GPHN: variants seen among roughly 807,000 people sequenced by gnomAD.
The protein encoded by GPHN is gephyrin.
GPHN carries 17 observed loss-of-function variants against 95.5 expected under a neutral mutation model. That is an observed-to-expected ratio of 0.18 (90% CI 0.12 to 0.27). The LOEUF is 0.27. Among genes scored for constraint, GPHN ranks in the 10% least tolerant of loss-of-function variants. The pLI, the probability that GPHN is intolerant of heterozygous loss-of-function variation, is 1.00. For missense variants in GPHN, 660 were observed against 978.1 expected, an observed-to-expected ratio of 0.67 and a Z score of 4.34; for synonymous variants, 320 against 322.5, an observed-to-expected ratio of 0.99 and a Z score of 0.08.
chr14:67,406,169 G>A, the GPHN span, among the ~76,000 whole-genome samples: 2 of 150,088 alleles, frequency 1.3e-5, no homozygotes, highest in Non-Finnish European at 2.9e-5. Context: ...TGAGACACAA[G>A]AATCACTTGA....
At chr14:66,515,691 C>G (rs748173438) in intron 1 of GPHN, among the ~76,000 whole-genome samples, 4 of 152,082 alleles carry the variant, frequency 2.6e-5, no homozygotes, top group Admixed American at 6.6e-5. Flanking sequence ...GTTTCCTTAC[C>G]TTTAAATGGG....
the GPHN span, among the ~76,000 whole-genome samples, chr14:67,305,522 C>T: frequency 6.6e-6 from 1 of 152,202 alleles, no homozygotes; most frequent in African/African-American, 2.4e-5. Context: ...CTCAAGTGGT[C>T]CACCCGCCTC....
intron 1 of GPHN, among the ~76,000 whole-genome samples, chr14:66,561,695 T>C (rs1348648128): frequency 6.6e-6 from 1 of 152,172 alleles, no homozygotes; most frequent in South Asian, 2.1e-4. Context: ...TTGACATTAA[T>C]TTAAAAAACA....
chr14:66,846,869 G>T (rs900486995), intron 4 of GPHN, among the ~76,000 whole-genome samples: 3 of 152,024 alleles, frequency 2.0e-5, no homozygotes, highest in African/African-American at 4.8e-5. Flanking sequence ...TTTTGCCCCC[G>T]AAGTACAACT....
At chr14:66,901,750 G>A (rs2065138632) in intron 5 of GPHN, among the ~76,000 whole-genome samples, 1 of 152,050 alleles carries the variant, frequency 6.6e-6, no homozygotes, top group Admixed American at 6.6e-5. Context: ...TTTGGTGTCA[G>A]TACCATGTTG....
chr14:67,516,299 C>T, the GPHN span, among the ~76,000 whole-genome samples: 1 of 152,118 alleles, frequency 6.6e-6, no homozygotes, highest in African/African-American at 2.4e-5. Context: ...TGTCACTAAC[C>T]CATCCGGAGA....
At chr14:66,932,463 T>TTTG in intron 8 of GPHN, among the ~76,000 whole-genome samples, 1 of 133,598 alleles carries the variant, frequency 7.5e-6, no homozygotes, top group Non-Finnish European at 1.6e-5. Context: ...TTTTTTTTTT[T>TTTG]TTTTTTTTTT....
the GPHN span, chr14:67,453,990 C>T: frequency 6.6e-6 from 1 of 152,214 alleles, no homozygotes; most frequent in Non-Finnish European, 1.5e-5. Flanking sequence ...TAGGTTAGCA[C>T]CAGCAGCAGA....
intron 1 of GPHN, among the ~76,000 whole-genome samples, chr14:66,598,392 TA>T (rs11295924): frequency 0.31 from 47,210 of 151,562 alleles, 11,226 homozygotes; most frequent in African/African-American, 0.64. Context: ...TATAATCAGT[TA>T]AAAAAAAGTA....
At chr14:67,200,267 G>A in the GPHN span, 8 of 787,494 alleles carry the variant, frequency 1.0e-5, no homozygotes, top group Admixed American at 1.6e-4. Flanking sequence ...CTCCAACCAG[G>A]CCCACTCCCC....
intron 1 of GPHN, among the ~76,000 whole-genome samples, chr14:66,628,951 G>A (rs1313563247): frequency 6.7e-6 from 1 of 150,130 alleles, no homozygotes; most frequent in Non-Finnish European, 1.5e-5. Context: ...TATAGTCCCA[G>A]CCACTCTGGA....
At chr14:67,719,402 C>T in the GPHN span, among the ~76,000 whole-genome samples, 1 of 152,178 alleles carries the variant, frequency 6.6e-6, no homozygotes, top group Non-Finnish European at 1.5e-5. Flanking sequence ...CTTTTCCAAG[C>T]AGTTCATTTG....
chr14:67,645,453 C>T, the GPHN span, among the ~76,000 whole-genome samples: 1 of 152,204 alleles, frequency 6.6e-6, no homozygotes, highest in Non-Finnish European at 1.5e-5. Flanking sequence ...CTTCGAATCT[C>T]TAGGGCTTTA....
intron 2 of GPHN, among the ~76,000 whole-genome samples, chr14:66,706,105 G>A (rs1462339504): frequency 1.3e-5 from 2 of 151,978 alleles, no homozygotes; most frequent in Non-Finnish European, 2.9e-5. Flanking sequence ...AGCTAACAAG[G>A]GATGTGAAGG....
At chr14:67,429,157 A>G in the GPHN span, among the ~76,000 whole-genome samples, 1 of 152,156 alleles carries the variant, frequency 6.6e-6, no homozygotes, top group South Asian at 2.1e-4. Context: ...TAATAACAAT[A>G]ACAATGATGA....
chr14:67,441,002 G>A, the GPHN span, among the ~76,000 whole-genome samples: 2 of 152,226 alleles, frequency 1.3e-5, no homozygotes, highest in South Asian at 4.1e-4. Context: ...CCAATCAGAG[G>A]GCCAATATTC....
intron 9 of GPHN, among the ~76,000 whole-genome samples, chr14:66,993,416 GTTA>G (rs984756792): frequency 6.6e-6 from 1 of 152,076 alleles, no homozygotes; most frequent in Admixed American, 6.5e-5. Flanking sequence ...TATAAAATAT[GTTA>G]TTAGAGTATT....
the GPHN span, chr14:67,648,299 A>G: frequency 8.3e-7 from 1 of 1,207,382 alleles, no homozygotes. Flanking sequence ...GTTTTTGCTT[A>G]AACTTTTGTA....
In GPHN at chr14:66,985,604, A is replaced by G. The variant is rs900647315; in HGVS notation, c.963+20279A>G. ...GTCAATTGATGTTTTTGCATGTATT[A>G]CTTACTAATGTATAGAAAAATTTTT... On this transcript the variant is annotated intron_variant, in intron 9 of 22. Transcript: ENST00000478722. 3.5e-6 allele frequency: 3 copies of G among 858,918 alleles called. No individual in the cohort carries two copies. In the African/African-American group the frequency reaches 5.0e-5, roughly 14 times the overall value. 53.2% of individuals were successfully genotyped at this position (858,918 alleles called of 1,614,324 possible).
Sources: gnomAD v4.1 joint callset for allele counts (sites outside exome capture counted in the v4.1 genomes callset) on GRCh38, gnomAD v4.1.1 for gene constraint, MANE v1.5 for transcripts, NCBI Gene and HGNC (gene_info 2026-07-23, HGNC 2026-07-21) for gene names.